Variants in RAF1 observed in about 807,000 individuals in gnomAD.
RAF1 encodes the protein Raf-1 proto-oncogene, serine/threonine kinase, also known as RAF proto-oncogene serine/threonine-protein kinase.
In RAF1, 27 loss-of-function variants were observed where a neutral mutation model predicts 81.1. That is an observed-to-expected ratio of 0.33 (90% CI 0.25 to 0.46). RAF1 has a LOEUF of 0.46. Among genes scored for constraint, RAF1 ranks in the 20% least tolerant of loss-of-function variants. RAF1 has a pLI of 1.00. For missense variants in RAF1, 598 were observed against 826.0 expected (o/e 0.72, Z 3.38); for synonymous variants, 298 against 294.0 (o/e 1.01, Z -0.14).
chr3:12,632,917 T>TC (rs1453407800), intron 1 of RAF1, among the ~76,000 whole-genome samples: 1 of 152,204 alleles, frequency 6.6e-6, no homozygotes, highest in African/African-American at 2.4e-5. Context: ...ACTGGAGGAT[T>TC]CCAGACCCAG....
At chr3:12,657,099 C>G (rs530825512) in intron 1 of RAF1, among the ~76,000 whole-genome samples, 1 of 152,164 alleles carries the variant, frequency 6.6e-6, no homozygotes, top group South Asian at 2.1e-4. Context: ...TATGCTGCAC[C>G]AAGTGCACTG....
intron 1 of RAF1, among the ~76,000 whole-genome samples, chr3:12,619,158 T>C (rs555479965): frequency 4.6e-5 from 7 of 151,104 alleles, no homozygotes; most frequent in African/African-American, 1.7e-4. Context: ...GGCAGGAGAA[T>C]GGCGGGAACC....
chr3:12,608,783 A>T lies in RAF1; in HGVS notation c.564T>A (p.Ser188Arg). The change falls in exon 5 of 18, where the codon AGT becomes AGA. Residue 188 changes from serine (S) to arginine (R), a missense_variant. Physicochemically the swap from Ser to Arg is moderately radical, Grantham distance 110. Coordinates refer to ENST00000442415, the MANE Select transcript of RAF1 (RefSeq NM_001354689.3). ...TGCCTTACAAGAGTTGTCTGATGTTACTCCAGTCCACACACATAGTAGGTA... is the reference window on the plus strand; with the variant it reads ...TGCCTTACAAGAGTTGTCTGATGTTTCTCCAGTCCACACACATAGTAGGTA... The T allele has an allele frequency of 6.2e-7, 1 of 1,614,114 alleles. No homozygotes were observed. Among genetic ancestry groups the T allele is most frequent in the Non-Finnish European group, 8.5e-7 (1 of 1,179,982 alleles).
chr3:12,663,017 C>G (rs977162551), intron 1 of RAF1, among the ~76,000 whole-genome samples: 3 of 152,096 alleles, frequency 2.0e-5, no homozygotes, highest in African/African-American at 7.2e-5. Context: ...AGTTCCATTC[C>G]TTCTTCCCAC....
In RAF1 at chr3:12,611,424, G is replaced by A. The variant is rs184964548; in HGVS notation, c.320+526C>T. 2.8e-4 allele frequency among the ~76,000 whole-genome samples: 43 copies of A among 152,234 alleles called. No homozygotes were observed. The East Asian group carries it at 8.3e-3, about 29-fold the overall frequency. ...TTGTAGAGATGGGCCTTCGCTATGT[G>A]CCCAGGCTGGTCTTGAACTCTTGGC... On this transcript the variant is annotated intron_variant, in intron 3 of 17. Coordinates refer to ENST00000442415, the MANE Select transcript of RAF1 (RefSeq NM_001354689.3).
intron 1 of RAF1, among the ~76,000 whole-genome samples, chr3:12,633,187 G>C (rs1384906886): frequency 6.6e-6 from 1 of 151,988 alleles, no homozygotes; most frequent in African/African-American, 2.4e-5. Context: ...GGATGATAAA[G>C]ACCAAAACAC....
intron 14 of RAF1, 21 bp from the exon 14 acceptor site, chr3:12,585,820 C>G (rs958109695): frequency 6.5e-7 from 1 of 1,549,624 alleles, no homozygotes; most frequent in Non-Finnish European, 8.9e-7. Flanking sequence ...GTTAAGGACT[C>G]TGGTTTCAAA....
intron 5 of RAF1, chr3:12,608,461 G>A (rs934226423): frequency 2.0e-5 from 8 of 396,464 alleles, no homozygotes; most frequent in Middle Eastern, 7.6e-4. Flanking sequence ...TATTAAGAGC[G>A]AAAAGCAAAA....
chr3:12,643,891 C>T (rs576386700), intron 1 of RAF1, among the ~76,000 whole-genome samples: 1 of 152,264 alleles, frequency 6.6e-6, no homozygotes, highest in South Asian at 2.1e-4. Context: ...GTGATAAAGG[C>T]ATTTTCAACT....
chr3:12,647,399 G>A (rs1229902308), intron 1 of RAF1, among the ~76,000 whole-genome samples: 1 of 151,974 alleles, frequency 6.6e-6, no homozygotes, highest in East Asian at 1.9e-4. Context: ...CTAGAAGCTT[G>A]AGACCAGCCT....
At chr3:12,611,850 T>C (rs1252801076) in intron 3 of RAF1, 100 bp downstream of exon 3, 6 of 866,168 alleles carry the variant, frequency 6.9e-6, no homozygotes, top group Non-Finnish European at 1.2e-5. Flanking sequence ...AAATATACAA[T>C]ATTCTATAGG....
chr3:12,627,582 T>C (rs1020662594), intron 1 of RAF1, among the ~76,000 whole-genome samples: 1 of 152,240 alleles, frequency 6.6e-6, no homozygotes, highest in African/African-American at 2.4e-5. Context: ...CATGAATTTA[T>C]ATAAACTTCT....
intron 1 of RAF1, among the ~76,000 whole-genome samples, chr3:12,645,255 TTTAC>T (rs1168000497): frequency 6.6e-6 from 1 of 152,078 alleles, no homozygotes; most frequent in East Asian, 1.9e-4. Flanking sequence ...CTCAAAAAAG[TTTAC>T]TTAGTCAAGA....
intron 11 of RAF1, among the ~76,000 whole-genome samples, chr3:12,593,984 A>G (rs2058607172): frequency 6.6e-6 from 1 of 152,082 alleles, no homozygotes; most frequent in South Asian, 2.1e-4. Context: ...CAAGGGAAGG[A>G]TTTTAGTAAA....
intron 5 of RAF1, among the ~76,000 whole-genome samples, chr3:12,607,163 G>C (rs1203063824): frequency 6.6e-6 from 1 of 152,144 alleles, no homozygotes; most frequent in Admixed American, 6.6e-5. Flanking sequence ...TCACAGAAAA[G>C]TGAGTAATTA....
At chr3:12,613,743 A>C (rs1190184338) in intron 2 of RAF1, among the ~76,000 whole-genome samples, 1 of 152,240 alleles carries the variant, frequency 6.6e-6, no homozygotes, top group African/African-American at 2.4e-5. Flanking sequence ...AAGGAATTTG[A>C]AAACATCAGA....
chr3:12,638,471 A>G (rs2060091914), intron 1 of RAF1, among the ~76,000 whole-genome samples: 1 of 152,248 alleles, frequency 6.6e-6, no homozygotes, highest in Admixed American at 6.5e-5. Flanking sequence ...ACAGTTCATC[A>G]AACAAGTCCC....
chr3:12,620,795 G>A (rs1262923404), intron 1 of RAF1, among the ~76,000 whole-genome samples: 1 of 152,066 alleles, frequency 6.6e-6, no homozygotes, highest in Admixed American at 6.6e-5. Context: ...GGACACAGAA[G>A]TCATGCTACT....
rs1264689638 is a variant in RAF1, at chr3:12,608,822, G to T, written c.525C>A (p.His175Gln). 6.2e-7 allele frequency: 1 copy of T among 1,614,118 alleles called. No homozygotes were observed. The highest frequency in any genetic ancestry group is 8.5e-7 in the Non-Finnish European group (1 of 1,179,986). The change falls in exon 5 of 18, where the codon CAC (histidine) becomes CAA (glutamine). Residue 175 changes from histidine (H) to glutamine (Q), a missense_variant. Physicochemically the swap from His to Gln is conservative, Grantham distance 24. Transcript: ENST00000442415. ...ACATAGTAGGTACTTTGGTGCTACA[G>T]TGCTCATGAAATTTGTAGCCACAAG...
Sources: gnomAD v4.1 joint callset for allele counts (sites outside exome capture counted in the v4.1 genomes callset) on GRCh38, gnomAD v4.1.1 for gene constraint, MANE v1.5 for transcripts, NCBI Gene and HGNC (gene_info 2026-07-23, HGNC 2026-07-21) for gene names.